Variants in MGST1 observed in about 807,000 individuals in gnomAD.
The protein encoded by MGST1 is microsomal glutathione S-transferase 1.
MGST1 carries 5 observed loss-of-function variants against 8.9 expected under a neutral mutation model. That is an observed-to-expected ratio of 0.56 (90% confidence interval 0.29 to 1.19). The LOEUF is 1.19. MGST1 is among the 50% of genes most tolerant of loss of function. MGST1 has a pLI of 0.08. For missense variants in MGST1, 182 were observed against 187.4 expected (o/e 0.97, Z 0.17); for synonymous variants, 54 against 67.8 (o/e 0.80, Z 1.00).
chr12:16,440,638 C>T (rs1195622111), downstream of MGST1, among the ~76,000 whole-genome samples: 1 of 151,686 alleles, frequency 6.6e-6, no homozygotes, highest in Admixed American at 6.6e-5. Context: ...ATTTATTTAT[C>T]CATTCTCTTC....
intron 4 of MGST1, among the ~76,000 whole-genome samples, chr12:16,476,555 T>C (rs1941324831): frequency 6.6e-6 from 1 of 152,152 alleles, no homozygotes; most frequent in African/African-American, 2.4e-5. Context: ...AAATCTAGAA[T>C]TTTCTTTTAA....
chr12:16,426,476 T>C (rs1282240548), intron 1 of MGST1, among the ~76,000 whole-genome samples: 1 of 152,170 alleles, frequency 6.6e-6, no homozygotes, highest in African/African-American at 2.4e-5. Context: ...CAAATAAGTT[T>C]GATTATTATT....
At chr12:16,382,525 G>A (rs916082841), upstream of MGST1, among the ~76,000 whole-genome samples, 7 of 152,156 alleles carry the variant, frequency 4.6e-5, no homozygotes, top group African/African-American at 1.7e-4. Flanking sequence ...GTACCCGGCC[G>A]TGTGAGGTGT....
At chr12:16,406,416 C>G (rs143992767) in intron 1 of MGST1, among the ~76,000 whole-genome samples, 1 of 152,054 alleles carries the variant, frequency 6.6e-6, no homozygotes, top group Non-Finnish European at 1.5e-5. Flanking sequence ...TCAGAGATGA[C>G]GCAAACAAAT....
chr12:16,426,032 C>T (rs940217582), intron 1 of MGST1, among the ~76,000 whole-genome samples: 3 of 152,108 alleles, frequency 2.0e-5, no homozygotes, highest in Non-Finnish European at 2.9e-5. Context: ...CTTATGGACT[C>T]CTTGATTCCA....
chr12:16,521,079 G>A (rs1052726365), intron 4 of MGST1, among the ~76,000 whole-genome samples: 6 of 152,078 alleles, frequency 3.9e-5, no homozygotes, highest in Non-Finnish European at 5.9e-5. Flanking sequence ...ATGACAGCAC[G>A]CAATTGATTA....
At chr12:16,578,283 T>C (rs1277269837) in intron 4 of MGST1, among the ~76,000 whole-genome samples, 1 of 152,200 alleles carries the variant, frequency 6.6e-6, no homozygotes, top group Non-Finnish European at 1.5e-5. Flanking sequence ...AAAGCTTGTA[T>C]AAACTACTCA....
rs572303155 is a variant in MGST1, at chr12:16,482,786, G to A, written n.482+99182G>A. 9.9e-5 allele frequency among the ~76,000 whole-genome samples: 15 copies of A among 152,266 alleles called. No homozygotes were observed. The East Asian group carries it at 1.7e-3, about 18-fold the overall frequency. On this transcript the variant is annotated intron_variant and non_coding_transcript_variant, in intron 4 of 4. Transcript: ENST00000538857. The surrounding 1 kb of genome is among the most constrained non-coding windows in gnomAD (Gnocchi z 4.2). ...ATTAGACTATCATGTCGGATACACC[G>A]AAATCAGAGACCTTACCCAGTGTCA...
At chr12:16,565,053 G>T (rs184686448) in intron 4 of MGST1, among the ~76,000 whole-genome samples, 1 of 152,098 alleles carries the variant, frequency 6.6e-6, no homozygotes, top group Non-Finnish European at 1.5e-5. Context: ...GCCTCCCAAA[G>T]TTATCAAATT....
intron 4 of MGST1, among the ~76,000 whole-genome samples, chr12:16,578,903 A>G (rs988748001): frequency 2.6e-5 from 4 of 152,192 alleles, no homozygotes; most frequent in African/African-American, 7.2e-5. Flanking sequence ...GAAATAATTC[A>G]TGGTTCTATA....
At position 16,537,642 on chromosome 12, in the gene MGST1, C is replaced by G. The variant is rs529388407; in HGVS notation, n.483-51886C>G. On this transcript the variant is annotated intron_variant and non_coding_transcript_variant, in intron 4 of 4. Coordinates refer to the MGST1 transcript ENST00000538857. This position sits in a 1 kb window ranked among gnomAD's most constrained non-coding sequence, Gnocchi z 4.6. ...GAGGTTCCCAAACCTCAATTCTTGA[C>G]TTCTGTGCACCTGCAGACTCAACAC... Among the ~76,000 whole-genome samples, 11 of 152,320 alleles carry G rather than the reference C, an allele frequency of 7.2e-5. No individual in the cohort carries two copies. In the East Asian group the frequency reaches 1.9e-3, roughly 27 times the overall value.
At chr12:16,370,858 T>C (rs1325339320) in intron 3 of MGST1, among the ~76,000 whole-genome samples, 2 of 152,200 alleles carry the variant, frequency 1.3e-5, no homozygotes, top group African/African-American at 4.8e-5. Flanking sequence ...AAAATATGAA[T>C]ATCAAGATGT....
intron 1 of MGST1, among the ~76,000 whole-genome samples, chr12:16,427,058 A>G (rs1940897388): frequency 6.6e-6 from 1 of 152,194 alleles, no homozygotes; most frequent in Non-Finnish European, 1.5e-5. Context: ...TGTGTGTTAA[A>G]CATTGTGCCA....
At chr12:16,506,081 C>T (rs995151403) in intron 4 of MGST1, among the ~76,000 whole-genome samples, 3 of 152,168 alleles carry the variant, frequency 2.0e-5, no homozygotes, top group Non-Finnish European at 2.9e-5. Flanking sequence ...CTGTCAAGAA[C>T]GCTAAAGTAT....
At chr12:16,431,789 T>C (rs1940941677) in intron 1 of MGST1, among the ~76,000 whole-genome samples, 1 of 152,174 alleles carries the variant, frequency 6.6e-6, no homozygotes, top group Non-Finnish European at 1.5e-5. Context: ...ACTTTTTTGA[T>C]GCAGGGTTTC....
At chr12:16,403,892 A>G (rs968843113) in intron 1 of MGST1, among the ~76,000 whole-genome samples, 1 of 152,154 alleles carries the variant, frequency 6.6e-6, no homozygotes, top group Non-Finnish European at 1.5e-5. Context: ...CCATGATTCA[A>G]TTACCTCTAC....
At position 16,362,099 on chromosome 12, in the gene MGST1, G is replaced by A. The variant is rs780651703; in HGVS notation, c.222-1696G>A. ...GCATGTTGTGAAGGAGAACACTAAC[G>A]TGCCTAAGATTGGAGGTGACGATAT... On this transcript the variant is annotated intron_variant, in intron 3 of 3. Coordinates refer to ENST00000396210, the MANE Select transcript of MGST1 (RefSeq NM_020300.5). This position sits in a 1 kb window ranked among gnomAD's most constrained non-coding sequence, Gnocchi z 4.4. Among the ~76,000 whole-genome samples, 6 of 152,172 alleles carry A rather than the reference G, an allele frequency of 3.9e-5. No homozygotes were observed. The highest frequency in any genetic ancestry group is 7.2e-5 in the African/African-American group (3 of 41,438).
At chr12:16,552,620 G>C (rs1386942941) in intron 4 of MGST1, among the ~76,000 whole-genome samples, 1 of 151,978 alleles carries the variant, frequency 6.6e-6, no homozygotes, top group African/African-American at 2.4e-5. Flanking sequence ...AAAAGAATTA[G>C]CTTTCCTCTT....
chr12:16,452,838 G>C (rs1941141144), intron 4 of MGST1, among the ~76,000 whole-genome samples: 1 of 151,844 alleles, frequency 6.6e-6, no homozygotes. Flanking sequence ...CCTTAAACTG[G>C]GATCTTTTAA....
Sources: gnomAD v4.1 joint callset for allele counts (sites outside exome capture counted in the v4.1 genomes callset) on GRCh38, gnomAD v4.1.1 for gene constraint, Gnocchi (gnomAD v3.1) non-coding constraint, MANE v1.5 for transcripts, NCBI Gene and HGNC (gene_info 2026-07-23, HGNC 2026-07-21) for gene names.